Variants in DNAH11 observed in about 807,000 individuals in gnomAD.
The protein encoded by DNAH11 is dynein axonemal heavy chain 11.
In DNAH11, 442 loss-of-function variants were observed where a neutral mutation model predicts 526.0. That is an observed-to-expected ratio of 0.84 (90% CI 0.78 to 0.91). The LOEUF (loss-of-function observed/expected upper bound fraction) is 0.91. DNAH11 is among the 40% of genes least tolerant of loss of function. The pLI, the probability that DNAH11 is intolerant of heterozygous loss-of-function variation, is 0.00. For missense variants in DNAH11, 6,989 were observed against 5,448.7 expected, an observed-to-expected ratio of 1.28 and a Z score of -8.90; for synonymous variants, 2,461 against 1,935.9, an observed-to-expected ratio of 1.27 and a Z score of -7.12.
At position 21,744,898 on chromosome 7, in the gene DNAH11, A is replaced by T. The variant is rs1420930266; in HGVS notation, c.8345A>T (p.Gln2782Leu). The stretch of plus-strand genomic sequence containing the variant: ...ATAGATAGTCACATGCTGCTTCAAC[A>T]GCCCCTCATTTATTGCCACTTTGCT... ...EGIDSHMLLQ[Q>L]PLIYCHFADR... Residue 2782 changes from glutamine (Q) to leucine (L), a missense_variant, in exon 51 of 82, where the codon CAG becomes CTG. Gln to Leu is a moderately radical substitution (Grantham distance 113). Coordinates refer to ENST00000409508, the MANE Select transcript of DNAH11 (RefSeq NM_001277115.2). 3.1e-6 allele frequency: 5 copies of T among 1,610,636 alleles called. No individual in the cohort carries two copies. Among genetic ancestry groups the T allele is most frequent in the African/African-American group, 1.3e-5 (1 of 74,898 alleles).
intron 65 of DNAH11, among the ~76,000 whole-genome samples, chr7:21,839,434 G>A (rs1243693575): frequency 2.6e-5 from 4 of 151,924 alleles, no homozygotes; most frequent in Admixed American, 2.0e-4. Context: ...AATTAGCTGG[G>A]TGTGGTGGTG....
rs543225712 is a variant in DNAH11 at position 21,873,664 on chromosome 7, A to G, written c.12195+163A>G. Among the ~76,000 whole-genome samples the G allele has an allele frequency of 3.3e-5, 5 of 151,912 alleles. No individual in the cohort carries two copies. In the South Asian group the frequency reaches 1.0e-3, roughly 32 times the overall value. On this transcript the variant is annotated intron_variant, in intron 74 of 81. Transcript: ENST00000409508. The stretch of plus-strand genomic sequence containing the variant: ...GGGCGTGTTTTAATCTCTTGAAAGA[A>G]TTGCCCCTGTCATTTCCGATTCTAA...
chr7:21,769,153 AC>A (rs1355442344), intron 55 of DNAH11, among the ~76,000 whole-genome samples: 1 of 152,206 alleles, frequency 6.6e-6, no homozygotes, highest in East Asian at 1.9e-4. Context: ...AAATGCAACC[AC>A]ATTTATCTTG....
At chr7:21,675,567 A>C (rs1782841510) in intron 30 of DNAH11, among the ~76,000 whole-genome samples, 1 of 152,210 alleles carries the variant, frequency 6.6e-6, no homozygotes, top group Non-Finnish European at 1.5e-5. Flanking sequence ...TTGTCCTGTA[A>C]GGTCTGGAAA....
At chr7:21,598,857 C>A (rs1052049525) in intron 14 of DNAH11, among the ~76,000 whole-genome samples, 2 of 152,132 alleles carry the variant, frequency 1.3e-5, no homozygotes, top group African/African-American at 4.8e-5. Flanking sequence ...TCTGCTCCTG[C>A]ATTAGTTTGC....
At chr7:21,774,073 C>G (rs748445788) in intron 56 of DNAH11, 74 bp downstream of exon 56, 1 of 1,287,242 alleles carries the variant, frequency 7.8e-7, no homozygotes, top group Non-Finnish European at 1.0e-6. Context: ...TTTTGAAGCA[C>G]TACTAAATCC....
chr7:21,612,992 C>T (rs920387467), intron 20 of DNAH11, among the ~76,000 whole-genome samples: 4 of 151,900 alleles, frequency 2.6e-5, no homozygotes, highest in African/African-American at 7.3e-5. Context: ...CATTTTTTAC[C>T]TAATAAAAGA....
intron 54 of DNAH11, among the ~76,000 whole-genome samples, chr7:21,753,284 C>T (rs970902238): frequency 6.6e-6 from 1 of 152,186 alleles, no homozygotes; most frequent in Non-Finnish European, 1.5e-5. Context: ...GCTCCTCCCC[C>T]AAACCCTAAG....
chr7:21,640,748 G>A (rs559049462), intron 28 of DNAH11, among the ~76,000 whole-genome samples: 1 of 152,084 alleles, frequency 6.6e-6, no homozygotes, highest in Non-Finnish European at 1.5e-5. Context: ...GAAACCAAAA[G>A]CAACTCAGCA....
At chr7:21,752,024 T>C (rs1392112249) in intron 54 of DNAH11, among the ~76,000 whole-genome samples, 6 of 152,228 alleles carry the variant, frequency 3.9e-5, no homozygotes, top group Non-Finnish European at 8.8e-5. Flanking sequence ...AGCAACTTTT[T>C]AAAAATGCAT....
intron 65 of DNAH11, among the ~76,000 whole-genome samples, chr7:21,819,487 A>G (rs1314609455): frequency 6.6e-6 from 1 of 152,240 alleles, no homozygotes; most frequent in Admixed American, 6.5e-5. Context: ...TAACATAAAT[A>G]TAATTGTAGC....
chr7:21,566,921 T>A (rs536533471), intron 6 of DNAH11, among the ~76,000 whole-genome samples: 114 of 152,324 alleles, frequency 7.5e-4, no homozygotes, highest in African/African-American at 2.6e-3. Flanking sequence ...GAAAGATTAT[T>A]TTGTTATTGC....
At chr7:21,729,235 C>T (rs1785268845) in intron 45 of DNAH11, among the ~76,000 whole-genome samples, 1 of 152,196 alleles carries the variant, frequency 6.6e-6, no homozygotes, top group African/African-American at 2.4e-5. Context: ...AGAAGTCTTA[C>T]CATCCTTCAT....
At chr7:21,883,780 C>G (rs1442082266) in intron 75 of DNAH11, among the ~76,000 whole-genome samples, 1 of 152,136 alleles carries the variant, frequency 6.6e-6, no homozygotes, top group East Asian at 1.9e-4. Flanking sequence ...CAGCTCAAGC[C>G]TGTAAATCCC....
intron 61 of DNAH11, among the ~76,000 whole-genome samples, chr7:21,790,131 C>T (rs1021642867): frequency 2.6e-5 from 4 of 151,868 alleles, no homozygotes; most frequent in Non-Finnish European, 5.9e-5. Context: ...TACCATGGTA[C>T]TTGGCACATA....
chr7:21,698,018 A>C, intron 35 of DNAH11, 57 bp from the exon 36 acceptor site: 4 of 1,538,850 alleles, frequency 2.6e-6, no homozygotes, highest in Admixed American at 4.0e-5. Flanking sequence ...TGATTTCAGC[A>C]ATTTGTACTT....
intron 81 of DNAH11, chr7:21,900,753 C>T: frequency 2.9e-6 from 1 of 346,334 alleles, no homozygotes; most frequent in Non-Finnish European, 5.1e-6. Flanking sequence ...CTCTTAGAAT[C>T]CCATTTCATA....
chr7:21,754,375 A>G, intron 54 of DNAH11, among the ~76,000 whole-genome samples: 1 of 152,130 alleles, frequency 6.6e-6, no homozygotes, highest in East Asian at 1.9e-4. Context: ...CAGAAGTTTT[A>G]CATTTTTATA....
At position 21,564,303 on chromosome 7, in the gene DNAH11, C is replaced by A. The variant is rs759528908; in HGVS notation, c.1100C>A (p.Thr367Asn). The change falls in exon 6 of 82, where the codon ACC becomes AAC. Residue 367 changes from threonine to asparagine, a missense_variant. Transcript: ENST00000409508. ...TRILIAPLFHTICLIWSHSKF... is the reference protein window; with the variant it reads ...TRILIAPLFHNICLIWSHSKF... ...ATATTAATCGCTCCATTATTTCATA[C>A]CATCTGTCTGATCTGGAGTCATTCC... 1 of 1,613,572 alleles carries A rather than the reference C, an allele frequency of 6.2e-7. No individual in the cohort carries two copies. Among genetic ancestry groups the A allele is most frequent in the South Asian group, 1.1e-5 (1 of 91,058 alleles).
Sources: gnomAD v4.1 joint callset for allele counts (sites outside exome capture counted in the v4.1 genomes callset) on GRCh38, gnomAD v4.1.1 for gene constraint, MANE v1.5 for transcripts, NCBI Gene and HGNC (gene_info 2026-07-23, HGNC 2026-07-21) for gene names.